CACNA1E: variants seen among roughly 807,000 people sequenced by gnomAD.
CACNA1E encodes the protein voltage-dependent R-type calcium channel subunit alpha-1E.
In CACNA1E, 40 loss-of-function variants were observed where a neutral mutation model predicts 259.2. The ratio of observed to expected loss-of-function variants is 0.15; its 90% CI spans 0.12 to 0.20. The LOEUF (loss-of-function observed/expected upper bound fraction) is 0.20, where lower values mean the gene tolerates loss of function less well. CACNA1E is among the 10% of genes least tolerant of loss of function. The probability of loss-of-function intolerance (pLI) is 1.00; values close to 1 mark genes in which losing one functional copy is unlikely to be tolerated. For synonymous variants in CACNA1E, 1,104 were observed against 1,138.5 expected, an observed-to-expected ratio of 0.97 and a Z score of 0.61; for missense variants, 1,874 against 3,040.1, an observed-to-expected ratio of 0.62 and a Z score of 9.02.
chr1:181,461,540 CAA>C (rs10607931), intron 2 of CACNA1E, among the ~76,000 whole-genome samples: 5,211 of 82,094 alleles, frequency 0.063, 356 homozygotes, highest in African/African-American at 0.21. Flanking sequence ...GACTCCATCT[CAA>C]AAAAAAAAAA....
At chr1:181,364,044 C>A (rs573792468) in intron 1 of CACNA1E, among the ~76,000 whole-genome samples, 1 of 152,314 alleles carries the variant, frequency 6.6e-6, no homozygotes, top group East Asian at 1.9e-4. Context: ...GTGGTAGAGC[C>A]TGGAGGCAAG....
chr1:181,729,674 T>C (rs1400383416), intron 18 of CACNA1E, among the ~76,000 whole-genome samples: 1 of 152,210 alleles, frequency 6.6e-6, no homozygotes, highest in Non-Finnish European at 1.5e-5. Flanking sequence ...GTTGGAGACA[T>C]GTGGATGCTT....
At chr1:181,726,281 A>T in intron 18 of CACNA1E, 119 bp downstream of exon 18, 1 of 683,344 alleles carries the variant, frequency 1.5e-6, no homozygotes, top group Admixed American at 2.5e-5. Context: ...TGTTCCTGAG[A>T]ATACAGCAGT....
intron 44 of CACNA1E, among the ~76,000 whole-genome samples, chr1:181,792,572 CAT>C (rs1174281850): frequency 6.6e-6 from 1 of 152,226 alleles, no homozygotes; most frequent in Non-Finnish European, 1.5e-5. Flanking sequence ...CACCATAGCA[CAT>C]GTCTTGGGAA....
intron 35 of CACNA1E, among the ~76,000 whole-genome samples, chr1:181,768,850 A>G (rs1659245844): frequency 6.6e-6 from 1 of 152,270 alleles, no homozygotes; most frequent in African/African-American, 2.4e-5. Context: ...ATATAGTCAC[A>G]ACAAAACTGA....
chr1:181,702,476 C>G (rs1190908037), intron 7 of CACNA1E, among the ~76,000 whole-genome samples: 1 of 152,132 alleles, frequency 6.6e-6, no homozygotes. Flanking sequence ...AGTTGTGGGA[C>G]TCCTCTGCTG....
chr1:181,684,533 A>C (rs1266800516), intron 7 of CACNA1E, among the ~76,000 whole-genome samples: 1 of 152,064 alleles, frequency 6.6e-6, no homozygotes, highest in Non-Finnish European at 1.5e-5. Context: ...TTTAGAGTCT[A>C]CATCATGAAA....
At chr1:181,556,322 A>T (rs757626913) in intron 3 of CACNA1E, among the ~76,000 whole-genome samples, 49 of 152,184 alleles carry the variant, frequency 3.2e-4, no homozygotes, top group Non-Finnish European at 4.6e-4. Flanking sequence ...GCAATTTCTC[A>T]TACATTTTTA....
intron 38 of CACNA1E, 88 bp from the exon 39 acceptor site, chr1:181,781,339 A>G (rs1380584796): frequency 4.3e-6 from 3 of 705,518 alleles, no homozygotes; most frequent in African/African-American, 1.8e-5. Context: ...ATCTGTCTGC[A>G]TCCTTCTCCC....
Position 181,752,481 on chromosome 1 carries a change from G to A in CACNA1E, c.3828+242G>A, listed in dbSNP as rs143193099. 2.1e-3 allele frequency among the ~76,000 whole-genome samples: 317 copies of A among 152,272 alleles called. 4 individuals are homozygous for A. The highest frequency in any genetic ancestry group is 7.2e-3 in the African/African-American group (300 of 41,534). On this transcript the variant is annotated intron_variant, in intron 27 of 47. Coordinates refer to ENST00000367573, the MANE Select transcript of CACNA1E (RefSeq NM_001205293.3). ...CAGACCCAGATGGTGTCTTCTCTCC[G>A]GTGTGATATGTCATCCAAGAGGGAA... is the stretch of plus-strand genomic sequence containing the variant.
At chr1:181,322,798 C>T (rs1034706969) in intron 1 of CACNA1E, among the ~76,000 whole-genome samples, 4 of 152,154 alleles carry the variant, frequency 2.6e-5, no homozygotes, top group African/African-American at 9.7e-5. Context: ...AAAATTTCCT[C>T]CATAAACACT....
At chr1:181,565,103 A>T (rs1235247772) in intron 3 of CACNA1E, among the ~76,000 whole-genome samples, 3 of 152,184 alleles carry the variant, frequency 2.0e-5, no homozygotes, top group Admixed American at 6.6e-5. Context: ...CCATAACAAG[A>T]GAGTCAGCCT....
At chr1:181,450,309 T>C (rs1356189789) in intron 2 of CACNA1E, among the ~76,000 whole-genome samples, 3 of 152,104 alleles carry the variant, frequency 2.0e-5, no homozygotes, top group African/African-American at 4.8e-5. Context: ...CCAAACCATA[T>C]CAGTGAGTGC....
rs375819026 is a variant in CACNA1E at position 181,685,081 on chromosome 1, A to G, written c.1056-25873A>G. 1.2e-4 allele frequency among the ~76,000 whole-genome samples: 19 copies of G among 152,102 alleles called. No individual in the cohort carries two copies. In the South Asian group the frequency reaches 3.5e-3, roughly 28 times the overall value. On this transcript the variant is annotated intron_variant, in intron 7 of 47. Transcript: ENST00000367573. ...GACATTTGAAAGTATTATATGTAACATCCAGCATCATGTCTGCTGCATAGT... is the reference window on the plus strand; with the variant it reads ...GACATTTGAAAGTATTATATGTAACGTCCAGCATCATGTCTGCTGCATAGT...
At chr1:181,748,129 AT>A (rs141556496) in intron 25 of CACNA1E, among the ~76,000 whole-genome samples, 5 of 151,516 alleles carry the variant, frequency 3.3e-5, no homozygotes, top group Admixed American at 2.0e-4. Flanking sequence ...GACTAATTTT[AT>A]TTTTTTTTAT....
At chr1:181,489,712 TAAGG>T (rs1239382332) in intron 1 of CACNA1E, among the ~76,000 whole-genome samples, 3 of 152,184 alleles carry the variant, frequency 2.0e-5, no homozygotes, top group Admixed American at 6.5e-5. Flanking sequence ...ACGACTAGGC[TAAGG>T]AACAGTCCTC....
At chr1:181,603,839 G>C (rs1416239847) in intron 6 of CACNA1E, among the ~76,000 whole-genome samples, 1 of 152,134 alleles carries the variant, frequency 6.6e-6, no homozygotes, top group African/African-American at 2.4e-5. Context: ...TGTCTCCCTG[G>C]CTCTGAGTCT....
At chr1:181,424,464 A>G (rs1190415972) in intron 2 of CACNA1E, among the ~76,000 whole-genome samples, 3 of 152,208 alleles carry the variant, frequency 2.0e-5, no homozygotes, top group African/African-American at 4.8e-5. Flanking sequence ...TCCCTAGAGA[A>G]CTGGGTTTGA....
intron 1 of CACNA1E, among the ~76,000 whole-genome samples, chr1:181,363,276 T>G (rs150031771): frequency 6.6e-6 from 1 of 152,154 alleles, no homozygotes; most frequent in African/African-American, 2.4e-5. Flanking sequence ...ACAAACCCGC[T>G]TGTGAATACC....
Sources: gnomAD v4.1 joint callset for allele counts (sites outside exome capture counted in the v4.1 genomes callset) on GRCh38, gnomAD v4.1.1 for gene constraint, MANE v1.5 for transcripts, NCBI Gene and HGNC (gene_info 2026-07-23, HGNC 2026-07-21) for gene names.